The following ZNF227 variants were observed in gnomAD, a reference collection of about 807,000 sequenced individuals.
The protein encoded by ZNF227 is zinc finger protein 227.
ZNF227 carries 12 observed loss-of-function variants against 13.2 expected under a neutral mutation model. The ratio of observed to expected loss-of-function variants is 0.91; its 90% confidence interval spans 0.58 to 1.47. The LOEUF (loss-of-function observed/expected upper bound fraction) is 1.47. Among genes scored for constraint, ZNF227 ranks in the 40% most tolerant of loss-of-function variants. ZNF227 has a pLI of 0.00. For missense variants in ZNF227, 885 were observed against 967.5 expected, an observed-to-expected ratio of 0.91 and a Z score of 1.13; for synonymous variants, 338 against 326.0, an observed-to-expected ratio of 1.04 and a Z score of -0.40.
rs1555792168 is a variant in ZNF227 at position 44,230,926 on chromosome 19, A to AAATATAT, written c.271+1111_271+1112insATATATA. Among the ~76,000 whole-genome samples, 36 of 68,114 alleles carry AAATATAT rather than the reference A, an allele frequency of 5.3e-4. 1 individual carries two copies. Among genetic ancestry groups the AAATATAT allele is most frequent in the African/African-American group, 3.2e-3 (33 of 10,240 alleles). 44.7% of individuals were successfully genotyped at this position (68,114 alleles called of 152,430 possible). A position where few individuals can be genotyped will look rare whatever the true frequency, so the allele number is the denominator to read the frequency against. On this transcript the variant is annotated intron_variant, in intron 5 of 5. Transcript: ENST00000313040. ...ATCTCTACAAAAAAAAAAAAAAAAA[A>AAATATAT]ATATATATATATATATATATATATA...
Position 44,235,843 on chromosome 19 carries a change from A to G in ZNF227, c.1413A>G (p.Lys471=). 6.2e-7 allele frequency: 1 copy of G among 1,612,798 alleles called. No homozygotes were observed. Among genetic ancestry groups the G allele is most frequent in the South Asian group, 1.1e-5 (1 of 91,022 alleles). Residue 471 remains lysine, a synonymous_variant, in exon 6 of 6, where the codon AAA becomes AAG. Coordinates refer to ENST00000313040, the MANE Select transcript of ZNF227 (RefSeq NM_182490.3). The part of the protein sequence containing the change: ...EKPYKCEACG[K]GFTRNTDLHI... ...CATACAAGTGTGAGGCGTGTGGGAA[A>G]GGCTTTACCCGTAATACAGATCTGC...
intron 3 of ZNF227, among the ~76,000 whole-genome samples, chr19:44,222,845 T>A (rs1972692696): frequency 2.6e-5 from 4 of 151,864 alleles, no homozygotes; most frequent in Admixed American, 6.6e-5. Context: ...TTGTGCCAGT[T>A]TTCAAAGGGA....
chr19:44,208,383 G>A (rs1487824146), upstream of ZNF227, among the ~76,000 whole-genome samples: 1 of 152,184 alleles, frequency 6.6e-6, no homozygotes, highest in African/African-American at 2.4e-5. Context: ...CCGATTTACA[G>A]TTTAAAGAGA....
upstream of ZNF227, among the ~76,000 whole-genome samples, chr19:44,212,203 T>G (rs1040575815): frequency 1.3e-5 from 2 of 151,956 alleles, no homozygotes; most frequent in Non-Finnish European, 2.9e-5. Context: ...ATATTTGCTG[T>G]TACTTTTTGT....
At chr19:44,219,061 A>G (rs1972175994) in intron 3 of ZNF227, among the ~76,000 whole-genome samples, 1 of 152,110 alleles carries the variant, frequency 6.6e-6, no homozygotes, top group Admixed American at 6.5e-5. Context: ...CTAATTTTGT[A>G]TTTTTATTAG....
chr19:44,232,430 G>T (rs145010351), intron 5 of ZNF227, among the ~76,000 whole-genome samples: 2 of 152,176 alleles, frequency 1.3e-5, no homozygotes, highest in Non-Finnish European at 2.9e-5. Flanking sequence ...GGGAGTTCCC[G>T]TGATAATTTG....
chr19:44,230,019 A>C (rs573767673), intron 5 of ZNF227, among the ~76,000 whole-genome samples: 3 of 151,582 alleles, frequency 2.0e-5, no homozygotes, highest in African/African-American at 7.3e-5. Flanking sequence ...TTCTTTTTTT[A>C]ATCTTTATTT....
At chr19:44,216,866 A>G (rs1971932536) in intron 2 of ZNF227, among the ~76,000 whole-genome samples, 1 of 152,126 alleles carries the variant, frequency 6.6e-6, no homozygotes, top group Non-Finnish European at 1.5e-5. Context: ...AGAAACCTTA[A>G]GTCAGATTTC....
chr19:44,211,378 G>A (rs999316470), upstream of ZNF227, among the ~76,000 whole-genome samples: 10 of 152,200 alleles, frequency 6.6e-5, no homozygotes, highest in African/African-American at 2.2e-4. Context: ...TTTAGTAAAT[G>A]AGAACTGCAA....
At chr19:44,214,693 T>C (rs1429880291) in intron 2 of ZNF227, among the ~76,000 whole-genome samples, 1 of 152,080 alleles carries the variant, frequency 6.6e-6, no homozygotes, top group Non-Finnish European at 1.5e-5. Flanking sequence ...ATTTCAAGCA[T>C]ATTCAACTGT....
Position 44,213,245 on chromosome 19 carries a change from G to GTACC in ZNF227, c.-3+3_-3+6dup, listed in dbSNP as rs1413249556. 1 of 152,138 alleles carries GTACC rather than the reference G, an allele frequency of 6.6e-6. No homozygotes were observed. The highest frequency in any genetic ancestry group is 1.5e-5 in the Non-Finnish European group (1 of 68,034). 9.4% of individuals were successfully genotyped at this position (152,138 alleles called of 1,614,324 possible). On this transcript the variant is annotated splice_donor_variant, in intron 2 of 5. Coordinates refer to ENST00000313040, the MANE Select transcript of ZNF227 (RefSeq NM_182490.3). LOFTEE classifies it low-confidence loss of function (5UTR_SPLICE). The stretch of plus-strand genomic sequence containing the variant: ...TTGGCTTCTCCCAGCATAGCCCCAG[G>GTACC]TACCTGCTCTTGAACGCACTTTGTT...
At chr19:44,208,197 A>C (rs1271076610), upstream of ZNF227, among the ~76,000 whole-genome samples, 1 of 152,212 alleles carries the variant, frequency 6.6e-6, no homozygotes, top group Non-Finnish European at 1.5e-5. Context: ...ATACAATTCT[A>C]CTTTTGACCA....
Position 44,236,951 on chromosome 19 carries a change from A to C in ZNF227, c.*121A>C, listed in dbSNP as rs1313459033. 1 of 735,036 alleles carries C rather than the reference A, an allele frequency of 1.4e-6. No individual in the cohort carries two copies. Among genetic ancestry groups the C allele is most frequent in the Non-Finnish European group, 2.2e-6 (1 of 462,732 alleles). 45.5% of individuals were successfully genotyped at this position (735,036 alleles called of 1,614,324 possible). A position where few individuals can be genotyped will look rare whatever the true frequency, so the allele number is the denominator to read the frequency against. ...TGGAAGGGGGTTTGTTCACACTTGG[A>C]ATCTTTCTAACAAATCCATCAAGAT... On this transcript the variant is annotated 3_prime_UTR_variant, in exon 6 of 6. Coordinates refer to ENST00000313040, the MANE Select transcript of ZNF227 (RefSeq NM_182490.3).
chr19:44,215,210 A>G (rs1002226507), intron 2 of ZNF227, among the ~76,000 whole-genome samples: 2 of 142,058 alleles, frequency 1.4e-5, no homozygotes, highest in African/African-American at 5.2e-5. Flanking sequence ...CCTGTCGCCC[A>G]GACCGGAGTG....
At chr19:44,214,088 T>C (rs544592696) in intron 2 of ZNF227, among the ~76,000 whole-genome samples, 6 of 152,330 alleles carry the variant, frequency 3.9e-5, no homozygotes, top group African/African-American at 1.2e-4. Context: ...ATGGTAATAT[T>C]TTGGATACAT....
upstream of ZNF227, among the ~76,000 whole-genome samples, chr19:44,208,662 C>T (rs1971266825): frequency 6.6e-6 from 1 of 152,164 alleles, no homozygotes; most frequent in African/African-American, 2.4e-5. Context: ...AGAGGCAGAA[C>T]GTCCATATGA....
At chr19:44,219,340 GCA>G (rs1972215516) in intron 3 of ZNF227, among the ~76,000 whole-genome samples, 1 of 152,142 alleles carries the variant, frequency 6.6e-6, no homozygotes, top group Non-Finnish European at 1.5e-5. Context: ...TTTCCCTACA[GCA>G]AAAGCTATCA....
intron 3 of ZNF227, among the ~76,000 whole-genome samples, chr19:44,220,396 A>G (rs1972366985): frequency 6.6e-6 from 1 of 152,128 alleles, no homozygotes; most frequent in African/African-American, 2.4e-5. Flanking sequence ...AGTCCCACCA[A>G]CAGTGTAAAA....
chr19:44,233,482 G>GT (rs559523972), intron 5 of ZNF227, among the ~76,000 whole-genome samples: 78 of 152,154 alleles, frequency 5.1e-4, no homozygotes, highest in African/African-American at 1.7e-3. Context: ...CAAAATGCGT[G>GT]TTTTTTTCAT....
Sources: gnomAD v4.1 joint callset for allele counts (sites outside exome capture counted in the v4.1 genomes callset) on GRCh38, gnomAD v4.1.1 for gene constraint, MANE v1.5 for transcripts, NCBI Gene and HGNC (gene_info 2026-07-23, HGNC 2026-07-21) for gene names.